The following TENM2 variants were observed in gnomAD, a reference collection of about 807,000 sequenced individuals.
TENM2 encodes teneurin-2.
TENM2 carries 52 observed loss-of-function variants against 245.2 expected under a neutral mutation model. That is an observed-to-expected ratio of 0.21 (90% confidence interval 0.17 to 0.27). The LOEUF (loss-of-function observed/expected upper bound fraction) is 0.27. TENM2 is among the 10% of genes least tolerant of loss of function. The probability of loss-of-function intolerance (pLI) is 1.00; values close to 1 mark genes in which losing one functional copy is unlikely to be tolerated. For synonymous variants in TENM2, 1,363 were observed against 1,438.9 expected (o/e 0.95, Z 1.19); for missense variants, 3,046 against 3,666.8 (o/e 0.83, Z 4.37).
the TENM2 span, among the ~76,000 whole-genome samples, chr5:167,276,502 A>ATTTGAGTTT: frequency 6.6e-6 from 1 of 151,984 alleles, no homozygotes; most frequent in Non-Finnish European, 1.5e-5. Context: ...CATATGAAAT[A>ATTTGAGTTT]TTTGAGTTTT....
intron 2 of TENM2, among the ~76,000 whole-genome samples, chr5:167,666,315 T>C (rs1401501725): frequency 6.6e-6 from 1 of 152,202 alleles, no homozygotes; most frequent in Non-Finnish European, 1.5e-5. Flanking sequence ...ACATAAGTGT[T>C]GATGTGTTCT....
At chr5:167,620,261 G>T (rs1449826813) in intron 2 of TENM2, among the ~76,000 whole-genome samples, 1 of 152,098 alleles carries the variant, frequency 6.6e-6, no homozygotes, top group African/African-American at 2.4e-5. Context: ...GGGCACAGCT[G>T]CGGGGAGCAC....
At chr5:167,409,077 C>T (rs1032785862) in intron 2 of TENM2, among the ~76,000 whole-genome samples, 2 of 151,560 alleles carry the variant, frequency 1.3e-5, no homozygotes, top group African/African-American at 4.8e-5. Context: ...TGACTTTACT[C>T]GAAGTCACTT....
chr5:167,225,595 A>G, the TENM2 span, among the ~76,000 whole-genome samples: 3 of 151,946 alleles, frequency 2.0e-5, no homozygotes, highest in Admixed American at 2.0e-4. Context: ...GTTTGGTTCT[A>G]TGTTCATCAG....
At chr5:167,583,464 G>T (rs1161554002) in intron 2 of TENM2, among the ~76,000 whole-genome samples, 2 of 103,124 alleles carry the variant, frequency 1.9e-5, no homozygotes, top group Non-Finnish European at 3.8e-5. Flanking sequence ...AAGGCATTAT[G>T]AGTATATGTA....
chr5:167,930,660 T>C (rs1289296041), intron 3 of TENM2, among the ~76,000 whole-genome samples: 2 of 152,016 alleles, frequency 1.3e-5, no homozygotes, highest in African/African-American at 2.4e-5. Flanking sequence ...TTATTTTTAT[T>C]TTTGTAGAGA....
At chr5:167,190,035 C>T in the TENM2 span, among the ~76,000 whole-genome samples, 1 of 151,972 alleles carries the variant, frequency 6.6e-6, no homozygotes, top group South Asian at 2.1e-4. Context: ...CCAAATTCTT[C>T]AAAGCAAGCT....
In TENM2 at chr5:168,250,069, T is replaced by C. The variant is rs1304329658; in HGVS notation, c.7432+1698T>C. 3.8e-4 allele frequency among the ~76,000 whole-genome samples: 57 copies of C among 151,936 alleles called. 1 individual carries two copies. The highest frequency in any genetic ancestry group is 3.7e-3 in the Admixed American group (57 of 15,260). On this transcript the variant is annotated intron_variant, in intron 27 of 28. Coordinates refer to ENST00000518659, the Ensembl canonical transcript of TENM2. ...CTGGATGGTTGGGTGGATGGCTGGA[T>C]GGATGGCTGACTGGATGGCTGGCTG...
chr5:166,989,323 A>AAT, the TENM2 span, among the ~76,000 whole-genome samples: 4 of 140,230 alleles, frequency 2.9e-5, no homozygotes, highest in African/African-American at 1.1e-4. Flanking sequence ...GCAGTGGCAC[A>AAT]ATCTCAGCTC....
chr5:168,012,984 G>A (rs1369400921), intron 5 of TENM2, among the ~76,000 whole-genome samples: 1 of 152,060 alleles, frequency 6.6e-6, no homozygotes, highest in East Asian at 1.9e-4. Flanking sequence ...CATTGTCTAA[G>A]GATGTCTGAT....
intron 27 of TENM2, among the ~76,000 whole-genome samples, chr5:168,256,660 GGT>G (rs2152712381): frequency 6.6e-6 from 1 of 152,000 alleles, no homozygotes; most frequent in African/African-American, 2.4e-5. Flanking sequence ...CCTGACCGCA[GGT>G]GATCCACCCG....
chr5:167,021,755 ATAGAG>A, the TENM2 span, among the ~76,000 whole-genome samples: 7 of 152,162 alleles, frequency 4.6e-5, no homozygotes, highest in Non-Finnish European at 1.0e-4. Flanking sequence ...TGAAAATATA[ATAGAG>A]TAAATAGGCT....
chr5:167,629,549 G>C (rs57147240), intron 2 of TENM2, among the ~76,000 whole-genome samples: 2,156 of 152,186 alleles, frequency 0.014, 30 homozygotes, highest in African/African-American at 0.035. Flanking sequence ...ATAATTCATA[G>C]AAAATCCAGG....
At chr5:167,602,996 G>A (rs1776746616) in intron 2 of TENM2, among the ~76,000 whole-genome samples, 1 of 152,118 alleles carries the variant, frequency 6.6e-6, no homozygotes, top group African/African-American at 2.4e-5. Context: ...GCTTTCCAAG[G>A]AACATCAAGA....
At chr5:167,193,213 G>A in the TENM2 span, among the ~76,000 whole-genome samples, 2 of 151,924 alleles carry the variant, frequency 1.3e-5, no homozygotes, top group African/African-American at 2.4e-5. Context: ...CTTGTACACC[G>A]CAGTTGTAGT....
chr5:168,060,741 C>T (rs1405966705), intron 6 of TENM2, among the ~76,000 whole-genome samples: 2 of 152,140 alleles, frequency 1.3e-5, no homozygotes, highest in African/African-American at 4.8e-5. Context: ...TCAAATCACT[C>T]TGTGGTTTTC....
In TENM2 at chr5:168,174,632, A is replaced by T. The variant is rs116136538; in HGVS notation, c.2569+11875A>T. On this transcript the variant is annotated intron_variant, in intron 13 of 28. Coordinates refer to ENST00000518659, the Ensembl canonical transcript of TENM2. Reference sequence around the variant, plus strand: ...GCGTTGAGAACCACTGACTTAGCGTAATACGTGCCTTTTGAAGGGAAGCTC... The same window carrying T: ...GCGTTGAGAACCACTGACTTAGCGTTATACGTGCCTTTTGAAGGGAAGCTC... 8.3e-3 allele frequency among the ~76,000 whole-genome samples: 1,258 copies of T among 152,300 alleles called. 15 individuals carry two copies. Among genetic ancestry groups the T allele is most frequent in the African/African-American group, 0.028 (1,181 of 41,560 alleles).
chr5:167,743,203 G>A (rs920347083), intron 2 of TENM2, among the ~76,000 whole-genome samples: 9 of 152,144 alleles, frequency 5.9e-5, no homozygotes, highest in Non-Finnish European at 1.0e-4. Context: ...TTGACTAATA[G>A]TGCCTCAGTG....
intron 2 of TENM2, among the ~76,000 whole-genome samples, chr5:167,376,576 T>C (rs1486558698): frequency 2.0e-5 from 3 of 152,194 alleles, no homozygotes; most frequent in Non-Finnish European, 4.4e-5. Context: ...TCGCACATAC[T>C]CAAAAAGATG....
Sources: allele counts gnomAD v4.1 joint callset (sites outside exome capture counted in the v4.1 genomes callset), GRCh38; gene constraint gnomAD v4.1.1; transcripts MANE v1.5; gene names NCBI Gene and HGNC (gene_info 2026-07-23, HGNC 2026-07-21).